Variants in KIF7 observed in about 807,000 individuals in gnomAD.
KIF7 encodes kinesin family member 7.
In KIF7, 104 loss-of-function variants were observed where a neutral mutation model predicts 135.7. The observed-to-expected ratio is 0.77, with a 90% CI of 0.65 to 0.90. The LOEUF is 0.90. Among genes scored for constraint, KIF7 ranks in the 40% least tolerant of loss-of-function variants. The pLI is 0.00. For missense variants in KIF7, 2,005 were observed against 1,839.1 expected (o/e 1.09, Z -1.65); for synonymous variants, 883 against 809.4 (o/e 1.09, Z -1.54).
In KIF7 at chr15:89,629,448, C is replaced by T. The variant is rs2141994074; in HGVS notation, c.3444G>A (p.Glu1148=). 6.2e-7 allele frequency: 1 copy of T among 1,609,524 alleles called. No homozygotes were observed. The highest frequency in any genetic ancestry group is 2.2e-5 in the East Asian group (1 of 44,872). The change falls in exon 17 of 19, where the codon GAG becomes GAA. Residue 1148 remains glutamate (E), a synonymous_variant. Coordinates refer to ENST00000394412, the MANE Select transcript of KIF7 (RefSeq NM_198525.3). ...GCTGCAGGGTCAGCTGGCGGTCCAT[C>T]TCCAGGCGCTGCCGCTCCAGGGCCA... is the stretch of plus-strand genomic sequence containing the variant. The part of the protein sequence containing the change: ...LEVALERQRL[E]MDRQLTLQQK...
At chr15:89,618,044 C>A in exon 2 of KIF7, 1 of 1,152,008 alleles carries the variant, frequency 8.7e-7, no homozygotes, top group South Asian at 1.2e-5. Context: ...CTGGTGTTAT[C>A]AGACCCTGTG....
upstream of KIF7, among the ~76,000 whole-genome samples, chr15:89,659,774 TTGAA>T (rs1321838449): frequency 2.0e-5 from 3 of 152,228 alleles, no homozygotes; most frequent in Non-Finnish European, 2.9e-5. Flanking sequence ...AGCAACCACT[TTGAA>T]TGGCAATTTG....
At chr15:89,644,754 C>G (rs1330862377) in intron 10 of KIF7, among the ~76,000 whole-genome samples, 2 of 152,174 alleles carry the variant, frequency 1.3e-5, no homozygotes, top group East Asian at 3.9e-4. Flanking sequence ...CCTGAATTAA[C>G]TCACTTCACC....
At chr15:89,624,167 A>G (rs754690921), downstream of KIF7, 1 of 1,614,042 alleles carries the variant, frequency 6.2e-7, no homozygotes, top group Non-Finnish European at 8.5e-7. Flanking sequence ...AAACTAAAGG[A>G]TAAAGCTATC....
At chr15:89,648,796 T>C in intron 4 of KIF7, 22 bp from the exon 5 acceptor site, 1 of 1,525,116 alleles carries the variant, frequency 6.6e-7, no homozygotes, top group South Asian at 1.2e-5. Context: ...AGGGGGAGGC[T>C]CTCAGGGGCC....
chr15:89,633,660 G>T, intron 12 of KIF7, 26 bp downstream of exon 12: 4 of 1,601,854 alleles, frequency 2.5e-6, no homozygotes, highest in Non-Finnish European at 3.4e-6. Context: ...CTGGACAGAA[G>T]GTCCCCACCC....
At chr15:89,632,171 C>T (rs1259099031) in intron 14 of KIF7, among the ~76,000 whole-genome samples, 1 of 152,212 alleles carries the variant, frequency 6.6e-6, no homozygotes, top group Non-Finnish European at 1.5e-5. Context: ...TGCGTGCTGG[C>T]AGGAGCAAGG....
intron 5 of KIF7, 87 bp downstream of exon 5, chr15:89,648,168 G>C: frequency 2.9e-6 from 4 of 1,360,456 alleles, no homozygotes; most frequent in Non-Finnish European, 2.8e-6. Context: ...GGAGGCAGGG[G>C]CGCAGCTGCT....
chr15:89,623,638 C>T (rs1450197816), downstream of KIF7: 4 of 1,606,920 alleles, frequency 2.5e-6, no homozygotes, highest in East Asian at 2.2e-5. Flanking sequence ...CAAGAAGAGT[C>T]ACCAGAAATC....
At chr15:89,622,389 G>C (rs1273748196) in intron 1 of KIF7, among the ~76,000 whole-genome samples, 1 of 152,138 alleles carries the variant, frequency 6.6e-6, no homozygotes, top group Admixed American at 6.5e-5. Context: ...CTCTCAAAGG[G>C]AAATCCTCCA....
chr15:89,623,585 T>A (rs753159398), downstream of KIF7: 7 of 1,558,602 alleles, frequency 4.5e-6, no homozygotes, highest in Non-Finnish European at 6.1e-6. Context: ...TCATGAGTTA[T>A]AATATTCAAG....
intron 5 of KIF7, 110 bp downstream of exon 5, chr15:89,648,145 C>A (rs996340560): frequency 1.5e-6 from 2 of 1,350,100 alleles, no homozygotes; most frequent in African/African-American, 3.0e-5. Flanking sequence ...CGAACGTGCC[C>A]TGCTAATGGG....
Position 89,630,514 on chromosome 15 carries a change from G to A in KIF7, c.3112-21C>T, listed in dbSNP as rs374801877. 352 of 1,533,640 alleles carry A rather than the reference G, an allele frequency of 2.3e-4. No homozygotes were observed. The African/African-American group carries it at 4.5e-3, about 19-fold the overall frequency. ...TCCTCCTGCAGAGACGGGCACGCGTGGAGGAACAGCACCCACTGCCTGAAT... is the reference window on the plus strand; with the variant it reads ...TCCTCCTGCAGAGACGGGCACGCGTAGAGGAACAGCACCCACTGCCTGAAT... On this transcript the variant is annotated intron_variant, in intron 15 of 18. Coordinates refer to ENST00000394412, the MANE Select transcript of KIF7 (RefSeq NM_198525.3).
Position 89,645,098 on chromosome 15 carries a change from C to T in KIF7, c.2106G>A (p.Arg702=), listed in dbSNP as rs1377904601. The T allele has an allele frequency of 2.5e-6, 4 of 1,605,872 alleles. No individual in the cohort carries two copies. Among genetic ancestry groups the T allele is most frequent in the Non-Finnish European group, 3.4e-6 (4 of 1,179,984 alleles). Residue 702 remains arginine (R), a synonymous_variant, in exon 10 of 19, where the codon CGG becomes CGA. Coordinates refer to ENST00000394412, the MANE Select transcript of KIF7 (RefSeq NM_198525.3). ...GGATCTTCTGCTGGGCCTGGGCCAG[C>T]CGCCACTCTGAGGCTGTGGCAGGGG... ...QVPPATASEW[R]LAQAQQKIRE...
intron 5 of KIF7, 98 bp downstream of exon 5, chr15:89,648,153 GGGCA>G (rs1375636708): frequency 1.5e-6 from 2 of 1,348,928 alleles, no homozygotes; most frequent in African/African-American, 3.0e-5. Context: ...CCCTGCTAAT[GGGCA>G]GGAGGCAGGG....
Position 89,640,616 on chromosome 15 carries a change from G to C in KIF7, c.2394+1587C>G, listed in dbSNP as rs146835050. Among the ~76,000 whole-genome samples, 319 of 152,142 alleles carry C rather than the reference G, an allele frequency of 2.1e-3. 1 individual carries two copies. The highest frequency in any genetic ancestry group is 2.5e-3 in the Non-Finnish European group (167 of 67,994). The stretch of plus-strand genomic sequence containing the variant: ...TTGAACTGAGAAAATAAGGATGGGT[G>C]GGCATCTGCAAGGATGGACGGATGG... On this transcript the variant is annotated intron_variant, in intron 11 of 18. Transcript: ENST00000394412.
rs1169145489 is a variant in KIF7 at position 89,648,267 on chromosome 15, G to A, written c.1431C>T (p.Ala477=). 2 of 1,517,056 alleles carry A rather than the reference G, an allele frequency of 1.3e-6. No homozygotes were observed. Among genetic ancestry groups the A allele is most frequent in the Non-Finnish European group, 1.8e-6 (2 of 1,135,272 alleles). The allele number at this position is 1,517,056 out of a possible 1,614,324, so 94.0% of individuals were successfully genotyped here. The change falls in exon 5 of 19, where the codon GCC becomes GCT. Residue 477 remains alanine (A), a synonymous_variant. Coordinates refer to ENST00000394412, the MANE Select transcript of KIF7 (RefSeq NM_198525.3). ...ASVEDQAAQG[A]GGRKEDEGAQ... is the part of the protein sequence containing the mutation. ...GTCCCTCGGCCACCTTTCGCCCGCCGGCCCCCTGCGCCGCCTGGTCCTCGA... is the reference window on the plus strand; with the variant it reads ...GTCCCTCGGCCACCTTTCGCCCGCCAGCCCCCTGCGCCGCCTGGTCCTCGA...
At chr15:89,626,213 A>G, downstream of KIF7, 1 of 782,544 alleles carries the variant, frequency 1.3e-6, no homozygotes, top group Non-Finnish European at 2.0e-6. Context: ...TGCCCTTCCC[A>G]GAGAAACTCC....
chr15:89,619,961 A>G, intron 1 of KIF7: 2 of 1,269,244 alleles, frequency 1.6e-6, no homozygotes, highest in African/African-American at 3.0e-5. Context: ...TAGAATAGGT[A>G]TGTCTAGTTG....
Sources: allele counts gnomAD v4.1 joint callset (sites outside exome capture counted in the v4.1 genomes callset), GRCh38; gene constraint gnomAD v4.1.1; transcripts MANE v1.5; gene names NCBI Gene and HGNC (gene_info 2026-07-23, HGNC 2026-07-21).